Variants in UGT2B4 observed in about 807,000 individuals in gnomAD.
UGT2B4 encodes UDP-glucuronosyltransferase 2B4.
Under a neutral mutation model 49.8 loss-of-function variants are expected in UGT2B4, and 49 were observed. That is an observed-to-expected ratio of 0.98 (90% confidence interval 0.78 to 1.25). The LOEUF (loss-of-function observed/expected upper bound fraction) is 1.25. Among genes scored for constraint, UGT2B4 ranks in the 50% most tolerant of loss-of-function variants. The probability of loss-of-function intolerance (pLI) is 0.00; values close to 1 mark genes in which losing one functional copy is unlikely to be tolerated. For missense variants in UGT2B4, 729 were observed against 627.7 expected, an observed-to-expected ratio of 1.16 and a Z score of -1.73; for synonymous variants, 246 against 217.7, an observed-to-expected ratio of 1.13 and a Z score of -1.14.
At chr4:69,491,352 TTGA>T (rs1727979937) in intron 2 of UGT2B4, among the ~76,000 whole-genome samples, 1 of 152,106 alleles carries the variant, frequency 6.6e-6, no homozygotes, top group South Asian at 2.1e-4. Context: ...TTGATTACTT[TTGA>T]TGTTTATTTT....
chr4:69,480,994 T>G, intron 5 of UGT2B4, 84 bp from the exon 6 acceptor site: 1 of 1,483,536 alleles, frequency 6.7e-7, no homozygotes, highest in Non-Finnish European at 9.1e-7. Context: ...ATCCCAGCAG[T>G]TTCCGAGGTC....
intron 1 of UGT2B4, among the ~76,000 whole-genome samples, chr4:69,512,003 C>A (rs968264799): frequency 6.6e-6 from 1 of 151,502 alleles, no homozygotes; most frequent in Non-Finnish European, 1.5e-5. Context: ...AGTTGCAATG[C>A]CTCTTTCATT....
chr4:69,525,682 C>T (rs1383862531), intron 1 of UGT2B4: 28 of 1,275,662 alleles, frequency 2.2e-5, no homozygotes, highest in East Asian at 1.1e-4. Context: ...ATTTATAGCA[C>T]TTACCTAATC....
intron 1 of UGT2B4, among the ~76,000 whole-genome samples, chr4:69,516,898 A>C (rs1341985461): frequency 6.7e-6 from 1 of 149,360 alleles, no homozygotes; most frequent in Admixed American, 6.7e-5. Context: ...CTTTTTTTAC[A>C]TATTTTTGTT....
chr4:69,490,141 G>GA (rs986685601), intron 2 of UGT2B4, among the ~76,000 whole-genome samples: 4 of 151,500 alleles, frequency 2.6e-5, no homozygotes, highest in Non-Finnish European at 5.9e-5. Context: ...TTTCAAAAGA[G>GA]AAAAAAAAGT....
upstream of UGT2B4, among the ~76,000 whole-genome samples, chr4:69,497,702 G>A (rs939371138): frequency 1.1e-4 from 17 of 152,348 alleles, no homozygotes; most frequent in Admixed American, 5.9e-4. Flanking sequence ...TACTCCTGGT[G>A]AAGATTATGT....
intron 3 of UGT2B4, among the ~76,000 whole-genome samples, chr4:69,488,933 C>G (rs1029438908): frequency 2.6e-5 from 4 of 152,036 alleles, no homozygotes; most frequent in African/African-American, 4.8e-5. Context: ...CTTGAATAGG[C>G]CTATTCCAAA....
chr4:69,495,073 A>G, intron 1 of UGT2B4, 68 bp downstream of exon 1: 5 of 1,433,852 alleles, frequency 3.5e-6, no homozygotes, highest in South Asian at 1.6e-5. Flanking sequence ...TTATGGCTTT[A>G]TACAAACTCA....
In UGT2B4 at chr4:69,514,837, A is replaced by T. The variant is rs559076268; in HGVS notation, c.-106+10850T>A. Among the ~76,000 whole-genome samples the T allele has an allele frequency of 4.5e-4, 69 of 152,318 alleles. 1 individual carries two copies. The South Asian group carries it at 0.014, about 30-fold the overall frequency. On this transcript the variant is annotated intron_variant, in intron 1 of 1. Transcript: ENST00000510114. ...ACATATATAGGCTTAAAATAAAGGG[A>T]TGGAAGAAAATCTAGAAACAAATGG...
Position 69,485,204 on chromosome 4 carries a change from T to C in UGT2B4, c.1310+4A>G. ...CCACCGAGTAAAAAAAAAGTTATACTCACAAAGGATCATTAATTACTGTCT... is the reference window on the plus strand; with the variant it reads ...CCACCGAGTAAAAAAAAAGTTATACCCACAAAGGATCATTAATTACTGTCT... On this transcript the variant is annotated splice_donor_region_variant and intron_variant, in intron 5 of 5. Transcript: ENST00000305107. 1 of 1,613,892 alleles carries C rather than the reference T, an allele frequency of 6.2e-7. No individual in the cohort carries two copies. Among genetic ancestry groups the C allele is most frequent in the Non-Finnish European group, 8.5e-7 (1 of 1,179,876 alleles).
intron 1 of UGT2B4, among the ~76,000 whole-genome samples, chr4:69,501,769 GT>G (rs970428974): frequency 6.6e-6 from 1 of 152,008 alleles, no homozygotes; most frequent in African/African-American, 2.4e-5. Context: ...TGCCTTTGAG[GT>G]TTGGAGGTTC....
In UGT2B4 at chr4:69,516,094, G is replaced by A. The variant is rs142156371; in HGVS notation, c.-106+9593C>T. ...CCATTTATAAATGAGAAAATGTGGT[G>A]TTTGGTTTTCTGTTCCAACATTAAT... On this transcript the variant is annotated intron_variant, in intron 1 of 1. Coordinates refer to the UGT2B4 transcript ENST00000510114. Among the ~76,000 whole-genome samples the A allele has an allele frequency of 2.8e-3, 419 of 152,262 alleles. 4 individuals are homozygous for A. The highest frequency in any genetic ancestry group is 9.2e-3 in the African/African-American group (382 of 41,544).
chr4:69,507,039 A>T (rs1728490788), intron 1 of UGT2B4, among the ~76,000 whole-genome samples: 1 of 152,204 alleles, frequency 6.6e-6, no homozygotes, highest in South Asian at 2.1e-4. Flanking sequence ...TTATGTTAAA[A>T]ACTCTTTATA....
intron 3 of UGT2B4, 109 bp downstream of exon 3, chr4:69,489,330 T>C (rs1727907930): frequency 1.4e-6 from 2 of 1,439,280 alleles, no homozygotes; most frequent in Admixed American, 4.2e-5. Flanking sequence ...TAATTAGTGC[T>C]TTCCCAACAG....
chr4:69,500,666 A>C (rs79602319), upstream of UGT2B4, among the ~76,000 whole-genome samples: 1 of 113,796 alleles, frequency 8.8e-6, no homozygotes, highest in Non-Finnish European at 2.1e-5. Context: ...AGAAAGAAAG[A>C]AAGGAAGGAA....
chr4:69,485,394 C>T lies in UGT2B4; in HGVS notation c.1124G>A (p.Gly375Asp), dbSNP rs776516790. ...TGCCTCATAGATGCCATTGGCTCCA[C>T]CATGAGTTATAAAAGCTCTGGTTTT... ...HPKTRAFITH[G>D]GANGIYEAIY... Residue 375 changes from glycine to aspartate, a missense_variant, in exon 5 of 6, where the codon GGT becomes GAT. Gly to Asp is a moderately conservative substitution (Grantham distance 94). Coordinates refer to ENST00000305107, the MANE Select transcript of UGT2B4 (RefSeq NM_021139.3). 3.7e-6 allele frequency: 6 copies of T among 1,613,658 alleles called. No homozygotes were observed. Among genetic ancestry groups the T allele is most frequent in the African/African-American group, 1.3e-5 (1 of 74,874 alleles).
intron 1 of UGT2B4, among the ~76,000 whole-genome samples, chr4:69,521,737 G>A (rs1268830031): frequency 1.3e-5 from 2 of 152,164 alleles, no homozygotes; most frequent in African/African-American, 4.8e-5. Flanking sequence ...CACACACAGA[G>A]GGTTCTGGCT....
chr4:69,522,664 G>A (rs1728875247), intron 1 of UGT2B4, among the ~76,000 whole-genome samples: 1 of 152,188 alleles, frequency 6.6e-6, no homozygotes, highest in African/African-American at 2.4e-5. Context: ...TGACTAATCA[G>A]AAGAGTGGTT....
At chr4:69,505,601 C>T (rs1479033417) in intron 1 of UGT2B4, among the ~76,000 whole-genome samples, 3 of 152,136 alleles carry the variant, frequency 2.0e-5, no homozygotes, top group Non-Finnish European at 2.9e-5. Flanking sequence ...GACTTAGACT[C>T]CCACACAATA....
Sources: allele counts gnomAD v4.1 joint callset (sites outside exome capture counted in the v4.1 genomes callset), GRCh38; gene constraint gnomAD v4.1.1; transcripts MANE v1.5; gene names NCBI Gene and HGNC (gene_info 2026-07-23, HGNC 2026-07-21).